FAF2: variants seen among roughly 807,000 people sequenced by gnomAD.
The protein encoded by FAF2 is Fas associated factor family member 2.
A neutral mutation model predicts 62.3 loss-of-function variants in FAF2; 9 were observed. The observed-to-expected ratio is 0.14, with a 90% CI of 0.09 to 0.25. The LOEUF is 0.25. FAF2 is among the 10% of genes least tolerant of loss of function. The pLI, the probability that FAF2 is intolerant of heterozygous loss-of-function variation, is 1.00. For synonymous variants in FAF2, 202 were observed against 198.0 expected, an observed-to-expected ratio of 1.02 and a Z score of -0.17; for missense variants, 368 against 556.2, an observed-to-expected ratio of 0.66 and a Z score of 3.40.
intron 10 of FAF2, among the ~76,000 whole-genome samples, chr5:176,502,835 G>A (rs1159017781): frequency 6.6e-6 from 1 of 152,016 alleles, no homozygotes; most frequent in Non-Finnish European, 1.5e-5. Context: ...GGATCACAAG[G>A]TCAGGAGTTC....
In FAF2 at chr5:176,509,802, T is replaced by C. The variant is rs1184629437; in HGVS notation, c.*2852T>C. On this transcript the variant is annotated 3_prime_UTR_variant, in exon 11 of 11. Transcript: ENST00000261942. ...CAAGCAAAGAGTTTCAGAAAATGAC[T>C]GAGAAGGAGCGATAACCCCCAGAAT... The C allele has an allele frequency of 1.3e-5, 2 of 152,740 alleles. No homozygotes were observed. The highest frequency in any genetic ancestry group is 1.9e-4 in the East Asian group (1 of 5,184). 9.5% of individuals were successfully genotyped at this position (152,740 alleles called of 1,614,324 possible). A position where few individuals can be genotyped will look rare whatever the true frequency, so the allele number is the denominator to read the frequency against.
intron 1 of FAF2, among the ~76,000 whole-genome samples, chr5:176,452,448 T>C (rs554128203): frequency 6.6e-6 from 1 of 152,336 alleles, no homozygotes; most frequent in East Asian, 1.9e-4. Flanking sequence ...GTTTACAAAG[T>C]ACCATAGGTG....
chr5:176,494,380 G>A lies in FAF2; in HGVS notation c.661+105G>A. On this transcript the variant is annotated intron_variant, in intron 7 of 10. Coordinates refer to ENST00000261942, the MANE Select transcript of FAF2 (RefSeq NM_014613.3). This position sits in a 1 kb window ranked among gnomAD's most constrained non-coding sequence, Gnocchi z 4.0. ...TTACAAGTGTGTTTGTTCTGTGGTA[G>A]ATACGACGCTAGTTGCTATTTTATA... The A allele has an allele frequency of 1.1e-6, 1 of 927,262 alleles. No homozygotes were observed. Among genetic ancestry groups the A allele is most frequent in the Non-Finnish European group, 1.8e-6 (1 of 565,568 alleles). The allele number at this position is 927,262 out of a possible 1,614,324, so 57.4% of individuals were successfully genotyped here.
chr5:176,448,496 G>A (rs1313647813), intron 1 of FAF2, 26 bp downstream of exon 1: 2 of 1,577,144 alleles, frequency 1.3e-6, no homozygotes, highest in Non-Finnish European at 1.7e-6. Flanking sequence ...CGGTGCAGCA[G>A]ATGCCTCCGT....
chr5:176,501,878 C>T (rs1026341693), intron 10 of FAF2, among the ~76,000 whole-genome samples: 2 of 152,142 alleles, frequency 1.3e-5, no homozygotes, highest in South Asian at 2.1e-4. Flanking sequence ...CTCAGCCTCC[C>T]GAGTAGCTGA....
chr5:176,473,849 C>T (rs1415654853), intron 1 of FAF2, among the ~76,000 whole-genome samples: 1 of 152,136 alleles, frequency 6.6e-6, no homozygotes, highest in Non-Finnish European at 1.5e-5. Flanking sequence ...AGCAGTCCTC[C>T]CACCTTGGCT....
At chr5:176,474,931 G>A (rs1482637630) in intron 1 of FAF2, among the ~76,000 whole-genome samples, 2 of 152,146 alleles carry the variant, frequency 1.3e-5, no homozygotes, top group African/African-American at 2.4e-5. Flanking sequence ...CCTGTCCCAG[G>A]TGTGTCCAGC....
At chr5:176,449,263 T>C (rs935865954) in intron 1 of FAF2, among the ~76,000 whole-genome samples, 11 of 152,292 alleles carry the variant, frequency 7.2e-5, no homozygotes, top group African/African-American at 2.6e-4. Context: ...TCCTTATCTC[T>C]GAAAGGACTG....
At chr5:176,502,755 A>T (rs1755616293) in intron 10 of FAF2, among the ~76,000 whole-genome samples, 1 of 151,662 alleles carries the variant, frequency 6.6e-6, no homozygotes, top group African/African-American at 2.4e-5. Flanking sequence ...GCTGTTTTTT[A>T]AAAAAGAGTA....
At chr5:176,479,783 G>T (rs1034835473) in intron 2 of FAF2, among the ~76,000 whole-genome samples, 12 of 151,616 alleles carry the variant, frequency 7.9e-5, no homozygotes, top group African/African-American at 2.9e-4. Flanking sequence ...TGCAACCTCT[G>T]CCTCCCAAGT....
chr5:176,499,912 A>C, intron 9 of FAF2, 91 bp from the exon 10 acceptor site: 4 of 1,484,330 alleles, frequency 2.7e-6, no homozygotes, highest in Non-Finnish European at 3.6e-6. Context: ...TTAGTCATTA[A>C]TTTTTCTTCT....
chr5:176,482,170 C>T (rs1254859625), intron 2 of FAF2, among the ~76,000 whole-genome samples: 1 of 151,236 alleles, frequency 6.6e-6, no homozygotes, highest in African/African-American at 2.4e-5. Flanking sequence ...CTATTCAAGT[C>T]CTTTGCCAGT....
At chr5:176,468,630 C>A (rs1758511707) in intron 1 of FAF2, among the ~76,000 whole-genome samples, 1 of 151,802 alleles carries the variant, frequency 6.6e-6, no homozygotes, top group African/African-American at 2.4e-5. Context: ...AAAGAAAGTT[C>A]CTTTTAAAAG....
intron 10 of FAF2, among the ~76,000 whole-genome samples, chr5:176,505,459 A>G (rs1173011054): frequency 1.3e-5 from 2 of 152,094 alleles, no homozygotes; most frequent in African/African-American, 4.8e-5. Context: ...CAACACATTT[A>G]TTGTATTGTA....
intron 1 of FAF2, 103 bp downstream of exon 1, chr5:176,448,573 A>C: frequency 8.4e-7 from 1 of 1,188,874 alleles, no homozygotes; most frequent in African/African-American, 1.6e-5. Flanking sequence ...TCCTTCTCAG[A>C]CCAGCAGGCC....
At chr5:176,497,104 C>T (rs1235990469) in intron 8 of FAF2, 1 of 152,630 alleles carries the variant, frequency 6.6e-6, no homozygotes, top group Non-Finnish European at 1.5e-5. Context: ...TCTGATTGTG[C>T]CTCTGCACTC....
At chr5:176,464,270 A>C (rs2113721827) in intron 1 of FAF2, among the ~76,000 whole-genome samples, 1 of 152,164 alleles carries the variant, frequency 6.6e-6, no homozygotes, top group East Asian at 1.9e-4. Flanking sequence ...AATTGCTTGG[A>C]TAAAGAATAT....
At chr5:176,457,636 T>G (rs1197358819) in intron 1 of FAF2, among the ~76,000 whole-genome samples, 1 of 142,538 alleles carries the variant, frequency 7.0e-6, no homozygotes, top group Non-Finnish European at 1.5e-5. Flanking sequence ...GATTATTTGA[T>G]TTGAACTGTT....
chr5:176,463,668 A>G (rs1401281436), intron 1 of FAF2, among the ~76,000 whole-genome samples: 3 of 151,466 alleles, frequency 2.0e-5, no homozygotes, highest in African/African-American at 7.3e-5. Flanking sequence ...CCTAAGAAAG[A>G]TGCCTGAGGT....
Sources: allele counts gnomAD v4.1 joint callset (sites outside exome capture counted in the v4.1 genomes callset), GRCh38; gene constraint gnomAD v4.1.1; non-coding constraint Gnocchi (gnomAD v3.1); transcripts MANE v1.5; gene names NCBI Gene and HGNC (gene_info 2026-07-23, HGNC 2026-07-21).